The following TARS2 variants were observed in gnomAD, a reference collection of about 807,000 sequenced individuals.
TARS2 encodes threonine--tRNA ligase, mitochondrial.
A neutral mutation model predicts 94.4 loss-of-function variants in TARS2; 61 were observed. That is an observed-to-expected ratio of 0.65 (90% CI 0.53 to 0.80). TARS2 has a LOEUF of 0.80. Ranked by LOEUF, TARS2 falls within the 30% of genes least tolerant of loss-of-function variation. The probability of loss-of-function intolerance (pLI) is 0.00; values close to 1 mark genes in which losing one functional copy is unlikely to be tolerated. For synonymous variants in TARS2, 359 were observed against 353.4 expected (o/e 1.02, Z -0.18); for missense variants, 704 against 902.5 (o/e 0.78, Z 2.82).
Position 150,501,819 on chromosome 1 carries a change from T to C in TARS2, c.1618-2516T>C, listed in dbSNP as rs587747367. 3.3e-5 allele frequency among the ~76,000 whole-genome samples: 5 copies of C among 152,128 alleles called. No individual in the cohort carries two copies. The East Asian group carries it at 5.8e-4, about 18-fold the overall frequency. Reference sequence around the variant, plus strand: ...GTAACAGAACAAAACCCTGTCTCAATAAAATAAATAAATAAAAAGATAGAG... The same window carrying C: ...GTAACAGAACAAAACCCTGTCTCAACAAAATAAATAAATAAAAAGATAGAG... On this transcript the variant is annotated intron_variant, in intron 13 of 17. Coordinates refer to ENST00000369064, the MANE Select transcript of TARS2 (RefSeq NM_025150.5).
chr1:150,504,614 C>CA lies in TARS2; in HGVS notation c.1719-18_1719-17insA. The CA allele has an allele frequency of 6.2e-7, 1 of 1,612,448 alleles. No individual in the cohort carries two copies. The highest frequency in any genetic ancestry group is 8.5e-7 in the Non-Finnish European group (1 of 1,178,730). ...ATACTTCCACCATTCCATCCACCCC[C>CA]CCCTTTTTCCTTTCAAGGCAGGCGG... On this transcript the variant is annotated splice_polypyrimidine_tract_variant and intron_variant, in intron 14 of 17. Coordinates refer to ENST00000369064, the MANE Select transcript of TARS2 (RefSeq NM_025150.5).
In TARS2 at chr1:150,498,609, C is replaced by T. The variant is rs1669775002; in HGVS notation, c.1346C>T (p.Thr449Ile). ...AEASGGLGGL[T>I]RLRCFQQDDA... ...GCCTCTGGTGGTCTGGGGGGACTGA[C>T]CCGACTGCGGTGCTTCCAGCAGGAT... The change falls in exon 11 of 18, where the codon ACC becomes ATC. Residue 449 changes from threonine to isoleucine, a missense_variant. Coordinates refer to ENST00000369064, the MANE Select transcript of TARS2 (RefSeq NM_025150.5). The T allele has an allele frequency of 6.2e-7, 1 of 1,612,494 alleles. No individual in the cohort carries two copies. The highest frequency in any genetic ancestry group is 8.5e-7 in the Non-Finnish European group (1 of 1,179,564).
At chr1:150,496,165 T>C (rs940203965) in intron 7 of TARS2, among the ~76,000 whole-genome samples, 41 of 152,134 alleles carry the variant, frequency 2.7e-4, no homozygotes, top group Non-Finnish European at 1.0e-4. Flanking sequence ...GACCAGAGCT[T>C]ATGGTTATTC....
chr1:150,504,215 A>G, intron 13 of TARS2, 120 bp from the exon 14 acceptor site: 1 of 859,446 alleles, frequency 1.2e-6, no homozygotes, highest in Non-Finnish European at 1.9e-6. Context: ...AGGTGACATG[A>G]TGAAGGTAGT....
At position 150,487,505 on chromosome 1, in the gene TARS2, A is replaced by G. The variant is rs1448452377; in HGVS notation, c.55A>G (p.Arg19Gly). 1 of 1,614,206 alleles carries G rather than the reference A, an allele frequency of 6.2e-7. No individual in the cohort carries two copies. The highest frequency in any genetic ancestry group is 1.3e-5 in the African/African-American group (1 of 75,058). Residue 19 changes from arginine (R) to glycine (G), a missense_variant, in exon 1 of 18, where the codon AGG becomes GGG. Physicochemically the swap from Arg to Gly is moderately radical, Grantham distance 125. Coordinates refer to ENST00000369064, the MANE Select transcript of TARS2 (RefSeq NM_025150.5). ...CCGGCTCCAAGGTTTACAGGCTTGCAGGCTACACACGGTGCGTGAGGCACC... is the reference window on the plus strand; with the variant it reads ...CCGGCTCCAAGGTTTACAGGCTTGCGGGCTACACACGGTGCGTGAGGCACC... The part of the protein sequence containing the change: ...CLRLQGLQAC[R>G]LHTAVVSTPP...
chr1:150,491,189 T>C (rs184356498), intron 4 of TARS2, among the ~76,000 whole-genome samples: 1 of 152,358 alleles, frequency 6.6e-6, no homozygotes, highest in Admixed American at 6.5e-5. Flanking sequence ...CATTCAACTT[T>C]TAACTTCATG....
At chr1:150,500,150 C>T (rs779076416) in intron 13 of TARS2, among the ~76,000 whole-genome samples, 11 of 151,930 alleles carry the variant, frequency 7.2e-5, no homozygotes, top group Non-Finnish European at 1.6e-4. Flanking sequence ...GCACTCCAGC[C>T]TGGGTGATAG....
intron 17 of TARS2, 82 bp from the exon 18 acceptor site, chr1:150,506,834 C>G: frequency 6.3e-7 from 1 of 1,575,156 alleles, no homozygotes; most frequent in Non-Finnish European, 8.7e-7. Context: ...AGATTTAGGT[C>G]TCTCAAGTTT....
At chr1:150,506,532 G>C (rs1670224830) in intron 17 of TARS2, among the ~76,000 whole-genome samples, 1 of 139,024 alleles carries the variant, frequency 7.2e-6, no homozygotes, top group Non-Finnish European at 1.5e-5. Context: ...TCTCTGTGGG[G>C]TTCTCATTGT....
rs116430228 is a variant in TARS2 at position 150,488,711 on chromosome 1, A to G, written c.264-253A>G. On this transcript the variant is annotated intron_variant, in intron 2 of 17. Transcript: ENST00000369064. ...TGAAATATACAATAAATTATTATTA[A>G]CTGTATTCACCCAACTCTGCTATGG... 213 of 349,658 alleles carry G rather than the reference A, an allele frequency of 6.1e-4. 1 individual carries two copies. The highest frequency in any genetic ancestry group is 4.1e-3 in the African/African-American group (195 of 47,542). 21.7% of individuals were successfully genotyped at this position (349,658 alleles called of 1,614,324 possible). A position where few individuals can be genotyped will look rare whatever the true frequency, so the allele number is the denominator to read the frequency against.
At chr1:150,489,717 G>C (rs996136306) in intron 3 of TARS2, among the ~76,000 whole-genome samples, 2 of 152,168 alleles carry the variant, frequency 1.3e-5, no homozygotes, top group Non-Finnish European at 2.9e-5. Flanking sequence ...GAGGCAGGTG[G>C]ATCATCTGAG....
At chr1:150,503,609 GTATATA>G (rs748011030) in intron 13 of TARS2, among the ~76,000 whole-genome samples, 2,479 of 131,258 alleles carry the variant, frequency 0.019, 121 homozygotes, top group African/African-American at 0.078. Context: ...GTGTATGTGT[GTATATA>G]TATGTGTGTG....
intron 7 of TARS2, among the ~76,000 whole-genome samples, chr1:150,493,518 C>T (rs1309420295): frequency 6.6e-6 from 1 of 151,842 alleles, no homozygotes; most frequent in Admixed American, 6.6e-5. Context: ...CTTTGGGAAG[C>T]CGAGGTGGGT....
rs970840741 is a variant in TARS2, at chr1:150,497,355, T to A, written c.1021-175T>A. On this transcript the variant is annotated intron_variant, in intron 9 of 17. Transcript: ENST00000369064. The stretch of plus-strand genomic sequence containing the variant: ...TAAATATTGAAAGTGCTGGTGACCT[T>A]TAATACTACAATTGTGTGGTCTGCA... Among the ~76,000 whole-genome samples the A allele has an allele frequency of 2.0e-5, 3 of 152,154 alleles. No homozygotes were observed. The East Asian group carries it at 5.8e-4, about 29-fold the overall frequency.
At chr1:150,495,788 C>A (rs1051576357) in intron 7 of TARS2, among the ~76,000 whole-genome samples, 1 of 151,956 alleles carries the variant, frequency 6.6e-6, no homozygotes, top group South Asian at 2.1e-4. Context: ...GGTGCGATCG[C>A]GACTCACTGC....
chr1:150,488,205 G>T (rs1292466502), intron 2 of TARS2, 151 bp downstream of exon 2: 2 of 961,362 alleles, frequency 2.1e-6, no homozygotes, highest in South Asian at 1.8e-5. Flanking sequence ...GTTTTTTGTT[G>T]TTGTTCTTTT....
intron 7 of TARS2, among the ~76,000 whole-genome samples, chr1:150,493,413 C>G (rs1669492257): frequency 6.6e-6 from 1 of 152,058 alleles, no homozygotes; most frequent in Non-Finnish European, 1.5e-5. Flanking sequence ...AAGATGAACA[C>G]CATTTGACAG....
chr1:150,503,902 C>CA (rs1285986585), intron 13 of TARS2, among the ~76,000 whole-genome samples: 2,325 of 63,292 alleles, frequency 0.037, 102 homozygotes, highest in African/African-American at 0.12. Context: ...GACTCTGTCT[C>CA]AAAAAAAAAA....
chr1:150,501,895 GTTTT>G (rs1275186897), intron 13 of TARS2, among the ~76,000 whole-genome samples: 1 of 151,724 alleles, frequency 6.6e-6, no homozygotes, highest in Non-Finnish European at 1.5e-5. Context: ...TTTTTTGTTT[GTTTT>G]GTTTTATTTA....
Sources: allele counts gnomAD v4.1 joint callset (sites outside exome capture counted in the v4.1 genomes callset), GRCh38; gene constraint gnomAD v4.1.1; transcripts MANE v1.5; gene names NCBI Gene and HGNC (gene_info 2026-07-23, HGNC 2026-07-21).